The following IL1RAPL2 variants were observed in gnomAD, a reference collection of about 807,000 sequenced individuals.
The protein encoded by IL1RAPL2 is X-linked interleukin-1 receptor accessory protein-like 2.
In IL1RAPL2, 3 loss-of-function variants were observed where a neutral mutation model predicts 44.1. That is an observed-to-expected ratio of 0.07 (90% confidence interval 0.03 to 0.18). The LOEUF (loss-of-function observed/expected upper bound fraction) is 0.18. Among genes scored for constraint, IL1RAPL2 ranks in the 10% least tolerant of loss-of-function variants. The pLI is 1.00. For synonymous variants in IL1RAPL2, 181 were observed against 178.8 expected (o/e 1.01, Z -0.10); for missense variants, 391 against 496.4 (o/e 0.79, Z 2.02).
intron 2 of IL1RAPL2, among the ~76,000 whole-genome samples, chrX:104,846,199 GT>G (rs780253253): frequency 4.6e-5 from 5 of 109,580 alleles, no homozygotes; most frequent in African/African-American, 9.9e-5. Flanking sequence ...TTGTAGGATA[GT>G]TTTTTTTTAA....
At position 104,832,001 on chromosome X, in the gene IL1RAPL2, A is replaced by AT. The variant is rs201486120; in HGVS notation, c.82+173015dup. Among the ~76,000 whole-genome samples the AT allele has an allele frequency of 4.4e-3, 481 of 109,738 alleles. 2 individuals carry two copies. The highest frequency in any genetic ancestry group is 0.014 in the African/African-American group (429 of 30,295). On this transcript the variant is annotated intron_variant, in intron 2 of 10. Transcript: ENST00000372582. ...TGCAGTTGAAACAAAGCAGTTTTTA[A>AT]TTTTTTTTTCAAGAGTATCTCTTTT...
At chrX:104,876,168 A>G (rs906235152) in intron 2 of IL1RAPL2, among the ~76,000 whole-genome samples, 1 of 111,500 alleles carries the variant, frequency 9.0e-6, no homozygotes, top group Non-Finnish European at 1.9e-5. Context: ...TGCAATTCTT[A>G]GACCCTGAGA....
At chrX:104,888,596 C>A (rs190490810) in intron 2 of IL1RAPL2, among the ~76,000 whole-genome samples, 30 of 110,583 alleles carry the variant, frequency 2.7e-4, no homozygotes, top group Middle Eastern at 4.7e-3. Flanking sequence ...CCACTAGCTC[C>A]TAATTACCTC....
intron 2 of IL1RAPL2, among the ~76,000 whole-genome samples, chrX:104,736,956 T>G (rs1428346745): frequency 8.9e-6 from 1 of 112,423 alleles, no homozygotes; most frequent in Non-Finnish European, 1.9e-5. Context: ...CAGAGATACA[T>G]GCAAAAGTTG....
intron 5 of IL1RAPL2, among the ~76,000 whole-genome samples, chrX:105,396,688 G>T (rs1476857234): frequency 9.3e-6 from 1 of 107,284 alleles, no homozygotes; most frequent in Non-Finnish European, 1.9e-5. Context: ...CTTAAGGGAG[G>T]TCTCCAGGGA....
chrX:105,099,453 C>CTTTTTTT lies in IL1RAPL2; in HGVS notation c.83-95999_83-95993dup, dbSNP rs36063657. On this transcript the variant is annotated intron_variant, in intron 2 of 10. Coordinates refer to ENST00000372582, the MANE Select transcript of IL1RAPL2 (RefSeq NM_017416.2). The stretch of plus-strand genomic sequence containing the variant: ...AGACGGGTGGGAGAGGTGCCACATA[C>CTTTTTTT]TTTTTTTTTTTTTTTTTTTTTTTTT... Among the ~76,000 whole-genome samples, 4 of 35,866 alleles carry CTTTTTTT rather than the reference C, an allele frequency of 1.1e-4. 1 individual carries two copies. The highest frequency in any genetic ancestry group is 1.4e-3 in the East Asian group (1 of 701). 31.1% of individuals were successfully genotyped at this position (35,866 alleles called of 115,157 possible). A position where few individuals can be genotyped will look rare whatever the true frequency, so the allele number is the denominator to read the frequency against.
At chrX:104,939,451 C>CT (rs955619560) in intron 2 of IL1RAPL2, among the ~76,000 whole-genome samples, 35 of 110,812 alleles carry the variant, frequency 3.2e-4, no homozygotes, top group African/African-American at 8.2e-4. Context: ...TTTAAGCAGC[C>CT]TTTTTTTTGG....
intron 5 of IL1RAPL2, among the ~76,000 whole-genome samples, chrX:105,420,422 T>C (rs2035765860): frequency 9.0e-6 from 1 of 111,646 alleles, no homozygotes; most frequent in Non-Finnish European, 1.9e-5. Flanking sequence ...AAAGTTTTTA[T>C]GTATTAACCC....
intron 2 of IL1RAPL2, among the ~76,000 whole-genome samples, chrX:104,688,386 T>C (rs1931026696): frequency 9.0e-6 from 1 of 110,904 alleles, no homozygotes; most frequent in Non-Finnish European, 1.9e-5. Flanking sequence ...AGTATCCTGC[T>C]TTTTTTTCCT....
At chrX:104,758,161 T>G (rs772396622) in intron 2 of IL1RAPL2, among the ~76,000 whole-genome samples, 1 of 111,904 alleles carries the variant, frequency 8.9e-6, no homozygotes, top group South Asian at 3.7e-4. Flanking sequence ...GAGAATTAAT[T>G]GAATGCTTGT....
At chrX:105,030,922 G>T (rs1487781950) in intron 2 of IL1RAPL2, among the ~76,000 whole-genome samples, 1 of 111,086 alleles carries the variant, frequency 9.0e-6, no homozygotes. Context: ...ATTTCACTGA[G>T]CAGTGGTTTG....
chrX:105,301,691 A>G (rs765445036), intron 5 of IL1RAPL2, among the ~76,000 whole-genome samples: 1 of 111,876 alleles, frequency 8.9e-6, no homozygotes, highest in Admixed American at 9.5e-5. Flanking sequence ...TGTTGTTGCA[A>G]TTGACTAGAT....
rs762722815 is a variant in IL1RAPL2 at position 105,058,010 on chromosome X, G to T, written c.83-137465G>T. On this transcript the variant is annotated intron_variant, in intron 2 of 10. Coordinates refer to ENST00000372582, the MANE Select transcript of IL1RAPL2 (RefSeq NM_017416.2). ...GTCGCCCAGGCTGGAGTGCAGTGGTGCGATCTCGGCTCACTGCAAGCTCCG... is the reference window on the plus strand; with the variant it reads ...GTCGCCCAGGCTGGAGTGCAGTGGTTCGATCTCGGCTCACTGCAAGCTCCG... Among the ~76,000 whole-genome samples the T allele has an allele frequency of 1.1e-3, 111 of 104,255 alleles. 1 individual carries two copies. Among genetic ancestry groups the T allele is most frequent in the Middle Eastern group, 4.9e-3 (1 of 205 alleles). 90.5% of individuals were successfully genotyped at this position (104,255 alleles called of 115,157 possible).
At chrX:105,364,658 C>A (rs888216911) in intron 5 of IL1RAPL2, among the ~76,000 whole-genome samples, 1 of 110,765 alleles carries the variant, frequency 9.0e-6, no homozygotes, top group South Asian at 3.8e-4. Context: ...CTCCTAATTA[C>A]TTTTTTGATG....
intron 4 of IL1RAPL2, among the ~76,000 whole-genome samples, chrX:105,263,058 T>C (rs1434638236): frequency 9.1e-6 from 1 of 110,284 alleles, no homozygotes; most frequent in African/African-American, 3.3e-5. Flanking sequence ...GGTAATTTTG[T>C]ATTTTTAGTA....
chrX:104,604,394 T>A (rs1048366271), intron 1 of IL1RAPL2, among the ~76,000 whole-genome samples: 9 of 110,791 alleles, frequency 8.1e-5, no homozygotes, highest in Non-Finnish European at 1.5e-4. Flanking sequence ...AGAAACTGCA[T>A]CAACTAATGG....
chrX:105,683,094 A>T (rs1197233398), intron 6 of IL1RAPL2, among the ~76,000 whole-genome samples: 1 of 112,292 alleles, frequency 8.9e-6, no homozygotes, highest in Non-Finnish European at 1.9e-5. Context: ...CATTATACAG[A>T]CAACATAAAC....
At chrX:105,593,432 T>G (rs2037187319) in intron 6 of IL1RAPL2, among the ~76,000 whole-genome samples, 1 of 111,968 alleles carries the variant, frequency 8.9e-6, no homozygotes. Flanking sequence ...ATGTCTGTCT[T>G]TCCAGCCATT....
At chrX:104,703,271 C>T (rs758967668) in intron 2 of IL1RAPL2, among the ~76,000 whole-genome samples, 7 of 111,034 alleles carry the variant, frequency 6.3e-5, no homozygotes, top group Non-Finnish European at 9.4e-5. Context: ...CCATAGGACA[C>T]GGGTTTGTGT....
Sources: gnomAD v4.1 joint callset for allele counts (sites outside exome capture counted in the v4.1 genomes callset) on GRCh38, gnomAD v4.1.1 for gene constraint, MANE v1.5 for transcripts, NCBI Gene and HGNC (gene_info 2026-07-23, HGNC 2026-07-21) for gene names.